Variants in GRM8 observed in about 807,000 individuals in gnomAD.
GRM8 encodes the protein metabotropic glutamate receptor 8.
GRM8 carries 47 observed loss-of-function variants against 87.2 expected under a neutral mutation model. That is an observed-to-expected ratio of 0.54 (90% CI 0.43 to 0.69). The LOEUF is 0.69. Ranked by LOEUF, GRM8 falls within the 30% of genes least tolerant of loss-of-function variation. The pLI, the probability that GRM8 is intolerant of heterozygous loss-of-function variation, is 0.00. For synonymous variants in GRM8, 396 were observed against 404.5 expected (o/e 0.98, Z 0.25); for missense variants, 1,019 against 1,139.2 (o/e 0.89, Z 1.52).
chr7:126,561,773 C>T (rs1402886813), intron 8 of GRM8, among the ~76,000 whole-genome samples: 1 of 97,400 alleles, frequency 1.0e-5, no homozygotes, highest in African/African-American at 4.0e-5. Context: ...TTATCCCTCC[C>T]CCCTCCCCCC....
intron 3 of GRM8, among the ~76,000 whole-genome samples, chr7:127,003,676 T>G (rs1330120746): frequency 6.6e-6 from 1 of 151,742 alleles, no homozygotes; most frequent in Non-Finnish European, 1.5e-5. Flanking sequence ...AAGTCTAAAC[T>G]TGAACAATGG....
chr7:126,648,830 A>G lies in GRM8; in HGVS notation c.1358-39332T>C, dbSNP rs1438039066. Among the ~76,000 whole-genome samples the G allele has an allele frequency of 2.0e-5, 3 of 152,234 alleles. No individual in the cohort carries two copies. The East Asian group carries it at 5.8e-4, about 29-fold the overall frequency. On this transcript the variant is annotated intron_variant, in intron 7 of 10. Transcript: ENST00000339582. ...ATTAAGACCTATTTATTAGAGCAAT[A>G]TAATCCTTAGATGAAGAATATAGGG...
chr7:126,693,615 C>T (rs997879174), intron 7 of GRM8, among the ~76,000 whole-genome samples: 1 of 152,048 alleles, frequency 6.6e-6, no homozygotes, highest in East Asian at 1.9e-4. Flanking sequence ...AAAATAGGTA[C>T]AAATACTTTT....
At chr7:127,240,473 C>G (rs538564062) in intron 2 of GRM8, among the ~76,000 whole-genome samples, 56 of 150,730 alleles carry the variant, frequency 3.7e-4, no homozygotes, top group African/African-American at 1.3e-3. Context: ...CATATGAATA[C>G]CTTATCTCCT....
chr7:126,580,915 A>G (rs1309008833), intron 8 of GRM8, among the ~76,000 whole-genome samples: 1 of 152,070 alleles, frequency 6.6e-6, no homozygotes, highest in Non-Finnish European at 1.5e-5. Flanking sequence ...CTTCTCTGTC[A>G]GTCATGAAGT....
At chr7:126,597,896 A>T (rs1434738151) in intron 8 of GRM8, among the ~76,000 whole-genome samples, 1 of 152,078 alleles carries the variant, frequency 6.6e-6, no homozygotes, top group Non-Finnish European at 1.5e-5. Context: ...TCTCCTTCAA[A>T]CATTTATCAT....
At chr7:127,238,648 C>T (rs776782188) in intron 2 of GRM8, among the ~76,000 whole-genome samples, 1 of 152,224 alleles carries the variant, frequency 6.6e-6, no homozygotes, top group Non-Finnish European at 1.5e-5. Context: ...TGGATCTACG[C>T]CACATGGCAT....
chr7:126,669,417 T>C (rs1016039585), intron 7 of GRM8, among the ~76,000 whole-genome samples: 2 of 152,196 alleles, frequency 1.3e-5, no homozygotes, highest in African/African-American at 4.8e-5. Flanking sequence ...TTGGATCTGA[T>C]GTTTTTAAAG....
At chr7:126,543,172 T>C (rs1314669159) in intron 8 of GRM8, among the ~76,000 whole-genome samples, 1 of 152,236 alleles carries the variant, frequency 6.6e-6, no homozygotes, top group Admixed American at 6.5e-5. Flanking sequence ...TTCCATGGAC[T>C]TTTACAGTAC....
chr7:126,846,884 A>G (rs1436082276), intron 6 of GRM8, among the ~76,000 whole-genome samples: 2 of 152,142 alleles, frequency 1.3e-5, no homozygotes, highest in Non-Finnish European at 2.9e-5. Context: ...CACATCAAAA[A>G]CACAATTCCT....
At chr7:126,605,870 C>T (rs1798291850) in intron 8 of GRM8, among the ~76,000 whole-genome samples, 3 of 152,156 alleles carry the variant, frequency 2.0e-5, no homozygotes, top group Admixed American at 2.0e-4. Flanking sequence ...TATATATATA[C>T]CTTCATCAGT....
chr7:126,750,442 A>G (rs1407646776), intron 7 of GRM8, among the ~76,000 whole-genome samples: 1 of 152,076 alleles, frequency 6.6e-6, no homozygotes, highest in Non-Finnish European at 1.5e-5. Flanking sequence ...CTCAAATTGT[A>G]CACTTGAAAT....
At chr7:126,862,957 A>G (rs1798261631) in intron 6 of GRM8, among the ~76,000 whole-genome samples, 1 of 151,906 alleles carries the variant, frequency 6.6e-6, no homozygotes, top group Non-Finnish European at 1.5e-5. Flanking sequence ...TTGCTATTGT[A>G]TTACTTTGTG....
intron 6 of GRM8, among the ~76,000 whole-genome samples, chr7:126,891,887 T>C (rs180765636): frequency 1.6e-3 from 247 of 152,114 alleles, no homozygotes; most frequent in Non-Finnish European, 2.7e-3. Flanking sequence ...GAAAATAAGC[T>C]GAATTTAATT....
rs17867289 is a variant in GRM8 at position 127,220,961 on chromosome 7, A to G, written c.510+21734T>C. Among the ~76,000 whole-genome samples the G allele has an allele frequency of 5.6e-3, 846 of 152,236 alleles. 6 individuals carry two copies. The highest frequency in any genetic ancestry group is 0.02 in the African/African-American group (825 of 41,530). On this transcript the variant is annotated intron_variant, in intron 2 of 10. Transcript: ENST00000339582. ...CCTTCCACCCTTGGCCCATGCAGGT[A>G]TAATTCTGGTCCCTAGCCCCCAAGG...
intron 3 of GRM8, among the ~76,000 whole-genome samples, chr7:126,958,185 A>G (rs1808934517): frequency 6.6e-6 from 1 of 152,128 alleles, no homozygotes; most frequent in African/African-American, 2.4e-5. Context: ...AGTAGTCCAC[A>G]TACTTCATTC....
chr7:126,530,449 T>A (rs571926449), intron 9 of GRM8, among the ~76,000 whole-genome samples: 2 of 152,200 alleles, frequency 1.3e-5, no homozygotes, highest in African/African-American at 4.8e-5. Context: ...ACCTTGCTGG[T>A]GCCGGCAGGC....
intron 2 of GRM8, among the ~76,000 whole-genome samples, chr7:127,170,122 A>G (rs1393164157): frequency 2.0e-5 from 3 of 152,214 alleles, no homozygotes; most frequent in Admixed American, 1.3e-4. Context: ...CAAAATATGT[A>G]GAAAACCTTC....
At chr7:126,444,414 T>C (rs1388721953) in intron 10 of GRM8, among the ~76,000 whole-genome samples, 1 of 152,112 alleles carries the variant, frequency 6.6e-6, no homozygotes, top group Non-Finnish European at 1.5e-5. Context: ...CGCATATTTC[T>C]TACTTCACAA....
Sources: allele counts gnomAD v4.1 joint callset (sites outside exome capture counted in the v4.1 genomes callset), GRCh38; gene constraint gnomAD v4.1.1; transcripts MANE v1.5; gene names NCBI Gene and HGNC (gene_info 2026-07-23, HGNC 2026-07-21).